The following CSMD1 variants were observed in gnomAD, a reference collection of about 807,000 sequenced individuals.
CSMD1 encodes CUB and Sushi multiple domains 1.
Under a neutral mutation model 417.5 loss-of-function variants are expected in CSMD1, and 213 were observed. That is an observed-to-expected ratio of 0.51 (90% CI 0.46 to 0.57). The LOEUF is 0.57. Among genes scored for constraint, CSMD1 ranks in the 20% least tolerant of loss-of-function variants. The pLI, the probability that CSMD1 is intolerant of heterozygous loss-of-function variation, is 0.00. For missense variants in CSMD1, 6,923 were observed against 4,529.7 expected (o/e 1.53, Z -15.17); for synonymous variants, 2,862 against 1,736.8 (o/e 1.65, Z -16.11).
At chr8:4,905,592 GGC>G (rs1805193211) in intron 1 of CSMD1, among the ~76,000 whole-genome samples, 1 of 151,662 alleles carries the variant, frequency 6.6e-6, no homozygotes, top group Non-Finnish European at 1.5e-5. Flanking sequence ...GGCCAAGGTG[GGC>G]CCATCACGAG....
intron 3 of CSMD1, among the ~76,000 whole-genome samples, chr8:4,232,274 C>G (rs62478841): frequency 6.6e-6 from 1 of 152,214 alleles, no homozygotes; most frequent in African/African-American, 2.4e-5. Flanking sequence ...TCTTGGCTCA[C>G]TGCAACCTCC....
chr8:4,425,604 G>A (rs755503349), intron 2 of CSMD1, among the ~76,000 whole-genome samples: 2 of 152,104 alleles, frequency 1.3e-5, no homozygotes, highest in South Asian at 2.1e-4. Context: ...GTACTTCTGT[G>A]AGTATCCTTT....
intron 2 of CSMD1, among the ~76,000 whole-genome samples, chr8:4,625,757 T>C (rs1439186592): frequency 1.3e-5 from 2 of 152,142 alleles, no homozygotes; most frequent in African/African-American, 4.8e-5. Context: ...AGAGTCTGGT[T>C]CTGTCGCCCA....
intron 11 of CSMD1, among the ~76,000 whole-genome samples, chr8:3,472,038 C>CTTTGAGACTTTGAGACTTATGT (rs1563071397): frequency 6.6e-6 from 1 of 152,262 alleles, no homozygotes; most frequent in East Asian, 1.9e-4. Flanking sequence ...ACTTATGCCA[C>CTTTGAGACTTTGAGACTTATGT]CATGCAACAT....
intron 3 of CSMD1, among the ~76,000 whole-genome samples, chr8:4,376,757 T>C (rs1024812072): frequency 2.0e-5 from 3 of 152,244 alleles, no homozygotes; most frequent in Non-Finnish European, 4.4e-5. Flanking sequence ...AGCTGCAATA[T>C]TTTTCAGCCT....
intron 6 of CSMD1, among the ~76,000 whole-genome samples, chr8:3,735,424 G>C (rs537639945): frequency 1.1e-4 from 16 of 152,158 alleles, no homozygotes; most frequent in Non-Finnish European, 1.6e-4. Flanking sequence ...GATGATTCCA[G>C]AATGCATCTA....
At chr8:3,361,241 T>A (rs1401719606) in intron 20 of CSMD1, among the ~76,000 whole-genome samples, 1 of 152,154 alleles carries the variant, frequency 6.6e-6, no homozygotes, top group East Asian at 1.9e-4. Flanking sequence ...TCAGATAATA[T>A]TATCACATAC....
chr8:4,963,829 G>A (rs985454413), intron 1 of CSMD1, among the ~76,000 whole-genome samples: 11 of 152,044 alleles, frequency 7.2e-5, no homozygotes, highest in African/African-American at 7.2e-5. Context: ...CACTAACCAT[G>A]GGAGTAGTCA....
chr8:3,982,100 G>A (rs897947342), intron 5 of CSMD1, among the ~76,000 whole-genome samples: 4 of 151,406 alleles, frequency 2.6e-5, no homozygotes, highest in African/African-American at 9.7e-5. Context: ...GGAGGTTGCA[G>A]TGAGTCGAGA....
intron 10 of CSMD1, among the ~76,000 whole-genome samples, chr8:3,539,128 C>T (rs919576099): frequency 3.3e-5 from 5 of 152,172 alleles, no homozygotes; most frequent in East Asian, 1.9e-4. Context: ...TAGCAGGGAC[C>T]GCTTGTCTTT....
intron 3 of CSMD1, among the ~76,000 whole-genome samples, chr8:4,113,474 G>A (rs956177837): frequency 4.4e-5 from 6 of 134,966 alleles, no homozygotes; most frequent in Admixed American, 8.6e-5. Flanking sequence ...GTGCAATCTT[G>A]GCTCACTGCA....
chr8:3,472,892 A>C (rs1308023218), intron 11 of CSMD1, among the ~76,000 whole-genome samples: 2 of 150,706 alleles, frequency 1.3e-5, no homozygotes, highest in Admixed American at 6.6e-5. Flanking sequence ...CTGTTGGGGG[A>C]GTTTATTTTC....
intron 39 of CSMD1, among the ~76,000 whole-genome samples, chr8:3,155,111 AAGTT>A (rs869131238): frequency 8.4e-6 from 1 of 118,470 alleles, no homozygotes; most frequent in Non-Finnish European, 1.7e-5. Context: ...TTGCAAATAT[AAGTT>A]AATTCTTTGA....
chr8:4,260,172 T>C (rs1483601102), intron 3 of CSMD1, among the ~76,000 whole-genome samples: 4 of 152,204 alleles, frequency 2.6e-5, no homozygotes, highest in South Asian at 4.1e-4. Flanking sequence ...GGTGGCATCC[T>C]TGCAAGTATT....
chr8:4,596,901 C>G (rs962046308), intron 2 of CSMD1, among the ~76,000 whole-genome samples: 1 of 152,176 alleles, frequency 6.6e-6, no homozygotes, highest in Non-Finnish European at 1.5e-5. Context: ...ATAAGTCTCA[C>G]AAGATCTGAT....
Position 4,994,512 on chromosome 8 carries a change from G to A in CSMD1, c.-96C>T. Reference sequence around the variant, plus strand: ...AAATAATCACCCGAGGGCAAGGCGAGCCGGAGAGAGAGCCCGGTCCCAAGA... The same window carrying A: ...AAATAATCACCCGAGGGCAAGGCGAACCGGAGAGAGAGCCCGGTCCCAAGA... On this transcript the variant is annotated 5_prime_UTR_variant, in exon 1 of 70. Coordinates refer to ENST00000635120, the MANE Select transcript of CSMD1 (RefSeq NM_033225.6). 8.8e-7 allele frequency: 1 copy of A among 1,141,804 alleles called. No homozygotes were observed. The highest frequency in any genetic ancestry group is 1.4e-5 in the South Asian group (1 of 74,070). 70.7% of individuals were successfully genotyped at this position (1,141,804 alleles called of 1,614,324 possible). A position where few individuals can be genotyped will look rare whatever the true frequency, so the allele number is the denominator to read the frequency against.
Position 2,951,200 on chromosome 8 carries a change from G to T in CSMD1, c.10115C>A (p.Thr3372Asn). ...TGCATTGAACCAGTCAACAGTTAGA[G>T]TGGCGGGTTGTCTTTTCCCTAAATA... ...YEYLGKRQPA[T>N]LTVDWFNATS... is the part of the protein sequence containing the mutation. The change falls in exon 66 of 70, where the codon ACT becomes AAT. Residue 3372 changes from threonine (T) to asparagine (N), a missense_variant. Coordinates refer to ENST00000635120, the MANE Select transcript of CSMD1 (RefSeq NM_033225.6). The T allele has an allele frequency of 6.2e-7, 1 of 1,612,588 alleles. No individual in the cohort carries two copies. The highest frequency in any genetic ancestry group is 1.1e-5 in the South Asian group (1 of 90,838).
chr8:4,335,867 G>T (rs75074235), intron 3 of CSMD1, among the ~76,000 whole-genome samples: 2,487 of 152,132 alleles, frequency 0.016, 60 homozygotes, highest in African/African-American at 0.057. Context: ...GAGAACAGGG[G>T]GACGAGAAAG....
At chr8:4,123,554 C>A (rs766046) in intron 3 of CSMD1, among the ~76,000 whole-genome samples, 23,290 of 152,162 alleles carry the variant, frequency 0.15, 1,930 homozygotes, top group Non-Finnish European at 0.17. Flanking sequence ...ACTTGTAACA[C>A]ATTTAAAGTG....
Sources: gnomAD v4.1 joint callset for allele counts (sites outside exome capture counted in the v4.1 genomes callset) on GRCh38, gnomAD v4.1.1 for gene constraint, MANE v1.5 for transcripts, NCBI Gene and HGNC (gene_info 2026-07-23, HGNC 2026-07-21) for gene names.